HERC5: variants seen among roughly 807,000 people sequenced by gnomAD.
HERC5 encodes HECT and RLD domain containing E3 ubiquitin protein ligase 5, also known as E3 ISG15--protein ligase HERC5.
A neutral mutation model predicts 119.6 loss-of-function variants in HERC5; 99 were observed. The ratio of observed to expected loss-of-function variants is 0.83; its 90% confidence interval spans 0.70 to 0.98. HERC5 has a LOEUF of 0.98. HERC5 is among the 50% of genes least tolerant of loss of function. The probability of loss-of-function intolerance (pLI) is 0.00; values close to 1 mark genes in which losing one functional copy is unlikely to be tolerated. For synonymous variants in HERC5, 478 were observed against 445.9 expected, an observed-to-expected ratio of 1.07 and a Z score of -0.91; for missense variants, 1,267 against 1,241.3, an observed-to-expected ratio of 1.02 and a Z score of -0.31.
intron 20 of HERC5, among the ~76,000 whole-genome samples, chr4:88,501,777 T>C (rs963743020): frequency 2.6e-5 from 4 of 152,194 alleles, no homozygotes; most frequent in Non-Finnish European, 5.9e-5. Flanking sequence ...TGTATGAATA[T>C]ATCACAGTTT....
rs1450742452 is a variant in HERC5 at position 88,475,993 on chromosome 4, T to G, written c.1545T>G (p.Val515=). 4 of 1,613,992 alleles carry G rather than the reference T, an allele frequency of 2.5e-6. No individual in the cohort carries two copies. The highest frequency in any genetic ancestry group is 3.4e-6 in the Non-Finnish European group (4 of 1,179,978). Residue 515 remains valine, a synonymous_variant, in exon 12 of 23, where the codon GTT becomes GTG. Transcript: ENST00000264350. Reference sequence around the variant, plus strand: ...GCCTTGTGGTTCCATTTGCAAAGGTTGTTTGTAAAATGAGTGACCAGTCTT... The same window carrying G: ...GCCTTGTGGTTCCATTTGCAAAGGTGGTTTGTAAAATGAGTGACCAGTCTT... The part of the protein sequence containing the change: ...WESLVVPFAK[V]VCKMSDQSSL...
intron 20 of HERC5, 144 bp downstream of exon 20, chr4:88,501,129 G>A (rs1741935260): frequency 5.2e-6 from 3 of 581,926 alleles, no homozygotes. Context: ...TGTTGTATGT[G>A]TTTTGACATA....
rs958997261 is a variant in HERC5 at position 88,457,124 on chromosome 4, C to A, written c.-146C>A. ...TGGCGTCCCGGCAGGGGCTCAGTAG[C>A]TGAGGCTGCGGTTCCCCGACGCCAC... is the stretch of plus-strand genomic sequence containing the variant. On this transcript the variant is annotated 5_prime_UTR_variant, in exon 1 of 23. The change creates a new upstream start codon in the 5' untranslated region. Transcript: ENST00000264350. 1 of 1,232,466 alleles carries A rather than the reference C, an allele frequency of 8.1e-7. No individual in the cohort carries two copies. The highest frequency in any genetic ancestry group is 1.0e-6 in the Non-Finnish European group (1 of 987,894). The allele number at this position is 1,232,466 out of a possible 1,614,324, so 76.3% of individuals were successfully genotyped here. A position where few individuals can be genotyped will look rare whatever the true frequency, so the allele number is the denominator to read the frequency against.
chr4:88,460,473 G>A (rs1199039064), intron 3 of HERC5, among the ~76,000 whole-genome samples: 1 of 152,156 alleles, frequency 6.6e-6, no homozygotes, highest in Non-Finnish European at 1.5e-5. Context: ...CAGGCCTGGG[G>A]CCACCCTTTT....
intron 20 of HERC5, among the ~76,000 whole-genome samples, chr4:88,503,268 G>A (rs897783974): frequency 1.3e-5 from 2 of 151,934 alleles, no homozygotes; most frequent in African/African-American, 4.8e-5. Flanking sequence ...TGAAAAAATT[G>A]ACATCTTAAA....
At chr4:88,461,347 G>T (rs190255650) in intron 3 of HERC5, among the ~76,000 whole-genome samples, 1 of 152,240 alleles carries the variant, frequency 6.6e-6, no homozygotes, top group Admixed American at 6.5e-5. Context: ...AAGGGTAAAG[G>T]GATATTCAGA....
intron 9 of HERC5, among the ~76,000 whole-genome samples, chr4:88,469,694 G>T (rs1439591303): frequency 2.0e-5 from 3 of 152,140 alleles, no homozygotes; most frequent in African/African-American, 7.2e-5. Context: ...TTATTCACTT[G>T]TTCAAGTGCT....
intron 18 of HERC5, among the ~76,000 whole-genome samples, chr4:88,498,494 A>G (rs1741861828): frequency 6.6e-6 from 1 of 152,160 alleles, no homozygotes; most frequent in Non-Finnish European, 1.5e-5. Context: ...GTTGGGACCT[A>G]TTACCCCTTT....
chr4:88,493,992 C>G (rs1741730195), intron 17 of HERC5, among the ~76,000 whole-genome samples, 173 bp from the exon 18 acceptor site: 1 of 138,702 alleles, frequency 7.2e-6, no homozygotes, highest in East Asian at 2.5e-4. Flanking sequence ...GCAAAACCTG[C>G]AATTACTTTT....
At chr4:88,491,495 GAT>G (rs1165282633) in intron 16 of HERC5, among the ~76,000 whole-genome samples, 1 of 152,196 alleles carries the variant, frequency 6.6e-6, no homozygotes, top group Non-Finnish European at 1.5e-5. Flanking sequence ...AAAAAGAAGA[GAT>G]AAATAAAACC....
intron 11 of HERC5, among the ~76,000 whole-genome samples, chr4:88,474,901 A>G (rs1372100082): frequency 1.3e-5 from 2 of 152,220 alleles, no homozygotes; most frequent in Non-Finnish European, 2.9e-5. Context: ...TTATCTTCAT[A>G]GTGGGATTTT....
At chr4:88,465,620 A>C (rs185495139) in intron 6 of HERC5, among the ~76,000 whole-genome samples, 567 of 152,328 alleles carry the variant, frequency 3.7e-3, no homozygotes, top group Non-Finnish European at 6.0e-3. Flanking sequence ...CATTACATAC[A>C]GTCCTTTTGA....
Position 88,469,162 on chromosome 4 carries a change from A to G in HERC5, c.1140A>G (p.Ser380=). 3.1e-6 allele frequency: 5 copies of G among 1,600,760 alleles called. No homozygotes were observed. Among genetic ancestry groups the G allele is most frequent in the African/African-American group, 2.7e-5 (2 of 74,676 alleles). The change falls in exon 9 of 23, where the codon TCA becomes TCG. Residue 380 remains serine, a synonymous_variant. Transcript: ENST00000264350. ...SILLWIKKEN[S]YVNLKRTIPT... The stretch of plus-strand genomic sequence containing the variant: ...ACTTTCCTGTTTGTTTACAGAATTC[A>G]TATGTTAATCTGAAGAGGACAATTC...
Position 88,504,631 on chromosome 4 carries a change from G to A in HERC5, c.2869+34G>A, listed in dbSNP as rs546440941. The A allele has an allele frequency of 4.2e-5, 55 of 1,301,630 alleles. No individual in the cohort carries two copies. In the South Asian group the frequency reaches 5.3e-4, roughly 13 times the overall value. 80.6% of individuals were successfully genotyped at this position (1,301,630 alleles called of 1,614,324 possible). On this transcript the variant is annotated intron_variant, in intron 22 of 22. Coordinates refer to ENST00000264350, the MANE Select transcript of HERC5 (RefSeq NM_016323.4). The stretch of plus-strand genomic sequence containing the variant: ...TATATCAAGGAATAGATCTGTAATC[G>A]TATGTCTTTTTAATGGGATAAAAAT...
intron 13 of HERC5, among the ~76,000 whole-genome samples, chr4:88,485,191 A>G (rs1179781913): frequency 6.6e-6 from 1 of 152,258 alleles, no homozygotes; most frequent in Non-Finnish European, 1.5e-5. Context: ...CAGCAACAAA[A>G]GAAATCTTCA....
At chr4:88,480,291 A>G (rs1741236492) in intron 13 of HERC5, among the ~76,000 whole-genome samples, 1 of 151,832 alleles carries the variant, frequency 6.6e-6, no homozygotes, top group Admixed American at 6.6e-5. Context: ...TGCTTCTTAC[A>G]CTCAATGTTT....
At chr4:88,481,183 G>T (rs893275400) in intron 13 of HERC5, among the ~76,000 whole-genome samples, 4 of 152,132 alleles carry the variant, frequency 2.6e-5, no homozygotes, top group Non-Finnish European at 5.9e-5. Context: ...CTCCAAAGTA[G>T]CTTGGACTAC....
rs577595834 is a variant in HERC5 at position 88,479,805 on chromosome 4, C to T, written c.1737+298C>T. The stretch of plus-strand genomic sequence containing the variant: ...GTGCTGGGCCGGGCGCGTTGGCTCA[C>T]GCCTGTCATCCTAGCACTTTAGGAG... On this transcript the variant is annotated intron_variant, in intron 13 of 22. Transcript: ENST00000264350. Among the ~76,000 whole-genome samples, 119 of 152,170 alleles carry T rather than the reference C, an allele frequency of 7.8e-4. 1 individual carries two copies. Among genetic ancestry groups the T allele is most frequent in the African/African-American group, 2.8e-3 (116 of 41,520 alleles).
At chr4:88,478,637 G>A (rs1741166138) in intron 12 of HERC5, among the ~76,000 whole-genome samples, 1 of 151,738 alleles carries the variant, frequency 6.6e-6, no homozygotes. Context: ...TTTGAGATGG[G>A]GTCTTACTCT....
Sources: gnomAD v4.1 joint callset for allele counts (sites outside exome capture counted in the v4.1 genomes callset) on GRCh38, gnomAD v4.1.1 for gene constraint, MANE v1.5 for transcripts, NCBI Gene and HGNC (gene_info 2026-07-23, HGNC 2026-07-21) for gene names.